Variants in DPH6 observed in about 807,000 individuals in gnomAD.
The protein encoded by DPH6 is diphthine--ammonia ligase.
Under a neutral mutation model 38.2 loss-of-function variants are expected in DPH6, and 33 were observed. The ratio of observed to expected loss-of-function variants is 0.86; its 90% CI spans 0.65 to 1.15. The LOEUF (loss-of-function observed/expected upper bound fraction) is 1.15, where lower values mean the gene tolerates loss of function less well. DPH6 is among the 50% of genes most tolerant of loss of function. The pLI, the probability that DPH6 is intolerant of heterozygous loss-of-function variation, is 0.00. For missense variants in DPH6, 325 were observed against 320.0 expected (o/e 1.02, Z -0.12); for synonymous variants, 108 against 103.0 (o/e 1.05, Z -0.30).
chr15:35,311,832 A>G (rs1485761091), intron 3 of DPH6, among the ~76,000 whole-genome samples: 1 of 152,182 alleles, frequency 6.6e-6, no homozygotes, highest in East Asian at 1.9e-4. Context: ...ATCCAAATTG[A>G]GACCGGATGA....
At chr15:35,488,316 G>C (rs1819084845) in intron 3 of DPH6, among the ~76,000 whole-genome samples, 1 of 151,938 alleles carries the variant, frequency 6.6e-6, no homozygotes, top group South Asian at 2.1e-4. Flanking sequence ...CCAAACTCCT[G>C]GTACCAATTT....
intron 3 of DPH6, among the ~76,000 whole-genome samples, chr15:35,344,009 T>C (rs963310054): frequency 1.3e-5 from 2 of 152,062 alleles, no homozygotes; most frequent in African/African-American, 4.8e-5. Flanking sequence ...TGGATAAGCA[T>C]TCATTACCCT....
rs187269628 is a variant in DPH6, at chr15:35,514,438, T to C, written c.312+23836A>G. On this transcript the variant is annotated intron_variant, in intron 3 of 8. Transcript: ENST00000256538. ...ATCTTTGACAGAACCTAGTCAATGA[T>C]AGCCCTAAAGAATATCTGATAAATA... Among the ~76,000 whole-genome samples, 329 of 152,250 alleles carry C rather than the reference T, an allele frequency of 2.2e-3. 2 individuals are homozygous for C. Among genetic ancestry groups the C allele is most frequent in the African/African-American group, 7.6e-3 (317 of 41,574 alleles).
At chr15:35,327,771 A>C (rs72708954), downstream of DPH6, among the ~76,000 whole-genome samples, 263 of 152,316 alleles carry the variant, frequency 1.7e-3, 1 homozygote, top group East Asian at 5.0e-3. Flanking sequence ...GAAATAAGAC[A>C]GTTGGGTTGA....
At chr15:35,317,659 CAGAA>C (rs1206556255) in intron 3 of DPH6, among the ~76,000 whole-genome samples, 1 of 148,428 alleles carries the variant, frequency 6.7e-6, no homozygotes, top group Non-Finnish European at 1.5e-5. Flanking sequence ...TGAAATATGA[CAGAA>C]AGAATAAAAA....
intron 3 of DPH6, among the ~76,000 whole-genome samples, chr15:35,318,244 T>C (rs2052210533): frequency 6.6e-6 from 1 of 152,054 alleles, no homozygotes; most frequent in Admixed American, 6.6e-5. Context: ...GTTGGTATAG[T>C]TATTTTATTA....
At chr15:35,443,610 G>C (rs530669934) in intron 5 of DPH6, among the ~76,000 whole-genome samples, 3 of 152,156 alleles carry the variant, frequency 2.0e-5, no homozygotes, top group Admixed American at 2.0e-4. Context: ...AGTGTCTCCA[G>C]CTTTACTACC....
intron 3 of DPH6, among the ~76,000 whole-genome samples, chr15:35,286,755 A>C (rs765196091): frequency 1.3e-5 from 2 of 152,212 alleles, no homozygotes; most frequent in Non-Finnish European, 2.9e-5. Context: ...TGAGATGTAT[A>C]CTTATTTGAA....
intron 3 of DPH6, among the ~76,000 whole-genome samples, chr15:35,226,284 T>A (rs530424258): frequency 7.2e-5 from 11 of 152,350 alleles, no homozygotes; most frequent in African/African-American, 2.4e-4. Flanking sequence ...TAAAATACTT[T>A]GTCTCTGTAT....
At chr15:35,266,335 A>G (rs1244179905) in intron 3 of DPH6, among the ~76,000 whole-genome samples, 1 of 152,216 alleles carries the variant, frequency 6.6e-6, no homozygotes, top group Non-Finnish European at 1.5e-5. Flanking sequence ...GAGGGCTATT[A>G]TAGCAGGAGG....
In DPH6 at chr15:35,416,247, C is replaced by T. The variant is rs181778475; in HGVS notation, c.506-5351G>A. 4.8e-3 allele frequency among the ~76,000 whole-genome samples: 729 copies of T among 152,128 alleles called. 3 individuals carry two copies. Among genetic ancestry groups the T allele is most frequent in the African/African-American group, 0.017 (700 of 41,536 alleles). The stretch of plus-strand genomic sequence containing the variant: ...GCAGGTTGAATAAGCTTGTTTTAGA[C>T]ATTTCACACAGGGCAGAACAATAGA... On this transcript the variant is annotated intron_variant, in intron 5 of 8. Coordinates refer to ENST00000256538, the MANE Select transcript of DPH6 (RefSeq NM_080650.4).
chr15:35,340,967 T>C (rs555503583), intron 3 of DPH6, among the ~76,000 whole-genome samples: 2 of 152,300 alleles, frequency 1.3e-5, no homozygotes, highest in East Asian at 3.9e-4. Flanking sequence ...TATTCTGAAG[T>C]ATATTTTCCA....
chr15:35,393,230 A>AGG (rs1399943742), intron 6 of DPH6, among the ~76,000 whole-genome samples: 5 of 152,272 alleles, frequency 3.3e-5, no homozygotes, highest in African/African-American at 1.2e-4. Flanking sequence ...GCAAGTAGCA[A>AGG]TGGGGATGGA....
At chr15:35,305,240 T>G (rs1200603168) in intron 3 of DPH6, among the ~76,000 whole-genome samples, 2 of 152,100 alleles carry the variant, frequency 1.3e-5, no homozygotes. Flanking sequence ...ACAGTAACTC[T>G]TTTCTAGGGT....
chr15:35,348,507 T>A (rs1268909937), intron 3 of DPH6, among the ~76,000 whole-genome samples: 2 of 152,194 alleles, frequency 1.3e-5, no homozygotes, highest in African/African-American at 4.8e-5. Flanking sequence ...TCTATAGGTC[T>A]ATTTTTATGT....
intron 3 of DPH6, among the ~76,000 whole-genome samples, chr15:35,269,549 G>A (rs374123891): frequency 3.7e-4 from 56 of 151,820 alleles, no homozygotes; most frequent in African/African-American, 1.3e-3. Context: ...CCATTCTCCT[G>A]CCTCAGCCTC....
chr15:35,219,905 G>T (rs2051431494), exon 4 of DPH6: 1 of 152,188 alleles, frequency 6.6e-6, no homozygotes, highest in African/African-American at 2.4e-5. Context: ...ATTTAGATAA[G>T]TAATTCAAGT....
intron 3 of DPH6, among the ~76,000 whole-genome samples, chr15:35,306,784 G>T (rs952631141): frequency 6.6e-6 from 1 of 152,054 alleles, no homozygotes; most frequent in Non-Finnish European, 1.5e-5. Flanking sequence ...GGTCACTATG[G>T]TTTCCAGAAC....
At chr15:35,409,833 C>T (rs2053342370) in intron 6 of DPH6, among the ~76,000 whole-genome samples, 1 of 151,736 alleles carries the variant, frequency 6.6e-6, no homozygotes, top group Non-Finnish European at 1.5e-5. Context: ...TATAATTTAT[C>T]ACAATTACAT....
Sources: gnomAD v4.1 joint callset for allele counts (sites outside exome capture counted in the v4.1 genomes callset) on GRCh38, gnomAD v4.1.1 for gene constraint, MANE v1.5 for transcripts, NCBI Gene and HGNC (gene_info 2026-07-23, HGNC 2026-07-21) for gene names.